The following SPATA17 variants were observed in gnomAD, a reference collection of about 807,000 sequenced individuals.
SPATA17 encodes spermatogenesis-associated protein 17.
SPATA17 carries 53 observed loss-of-function variants against 62.2 expected under a neutral mutation model. The observed-to-expected ratio is 0.85, with a 90% CI of 0.68 to 1.07. The LOEUF is 1.07. SPATA17 is among the 50% of genes least tolerant of loss of function. SPATA17 has a pLI of 0.00. For missense variants in SPATA17, 466 were observed against 425.5 expected (o/e 1.10, Z -0.84); for synonymous variants, 146 against 146.8 (o/e 0.99, Z 0.04).
At chr1:217,667,959 C>G (rs1173766411) in intron 3 of SPATA17, among the ~76,000 whole-genome samples, 1 of 152,226 alleles carries the variant, frequency 6.6e-6, no homozygotes, top group African/African-American at 2.4e-5. Context: ...CTGCTGCTCT[C>G]CACAGACAAT....
intron 5 of SPATA17, among the ~76,000 whole-genome samples, chr1:217,701,301 ATG>A (rs761293392): frequency 2.5e-4 from 38 of 149,458 alleles, no homozygotes; most frequent in South Asian, 1.1e-3. Context: ...GTGTGTGTAT[ATG>A]TGTGTGTGTG....
intron 8 of SPATA17, among the ~76,000 whole-genome samples, chr1:217,797,840 C>T (rs12747351): frequency 0.3 from 44,847 of 151,970 alleles, 8,080 homozygotes; most frequent in Non-Finnish European, 0.39. Context: ...TTCTTCATCC[C>T]AATTTAAATA....
intron 4 of SPATA17, among the ~76,000 whole-genome samples, chr1:217,671,293 C>T (rs1670826694): frequency 1.3e-5 from 2 of 152,192 alleles, no homozygotes; most frequent in Admixed American, 1.3e-4. Context: ...ACATCCTCTC[C>T]TAATAATAGA....
intron 9 of SPATA17, among the ~76,000 whole-genome samples, chr1:217,844,616 C>T (rs745448586): frequency 3.3e-5 from 5 of 152,122 alleles, no homozygotes; most frequent in East Asian, 1.9e-4. Context: ...ATAGAAGAAA[C>T]GGGGAACTTA....
In SPATA17 at chr1:217,782,161, C is replaced by T; in HGVS notation, c.724-13C>T. On this transcript the variant is annotated splice_polypyrimidine_tract_variant and intron_variant, in intron 7 of 10. Coordinates refer to ENST00000366933, the MANE Select transcript of SPATA17 (RefSeq NM_138796.4). ...CTTCCATATAAAATATGTTCCTCAT[C>T]CTGTCTTGTCAGGGGCCCTTCCGAG... The T allele has an allele frequency of 6.4e-7, 1 of 1,573,942 alleles. No homozygotes were observed. The highest frequency in any genetic ancestry group is 2.3e-5 in the East Asian group (1 of 44,058).
At chr1:217,818,277 G>A (rs912233868) in intron 9 of SPATA17, among the ~76,000 whole-genome samples, 9 of 151,794 alleles carry the variant, frequency 5.9e-5, no homozygotes, top group Admixed American at 4.0e-4. Context: ...CACAATTTAC[G>A]GGAATGCTCT....
chr1:217,762,094 C>T (rs1018350589), intron 6 of SPATA17, among the ~76,000 whole-genome samples: 1 of 152,096 alleles, frequency 6.6e-6, no homozygotes, highest in African/African-American at 2.4e-5. Context: ...CTTTTGAGTG[C>T]CCTTCATGGG....
At chr1:217,649,836 T>A (rs1392712604) in intron 2 of SPATA17, among the ~76,000 whole-genome samples, 1 of 150,870 alleles carries the variant, frequency 6.6e-6, no homozygotes, top group Non-Finnish European at 1.5e-5. Context: ...TACTCCATAA[T>A]AACTCATCAG....
chr1:217,841,516 G>A (rs1000392026), intron 9 of SPATA17, among the ~76,000 whole-genome samples: 7 of 151,862 alleles, frequency 4.6e-5, no homozygotes, highest in South Asian at 2.1e-4. Flanking sequence ...ACATTCACCC[G>A]TTTCCTGAGG....
At chr1:217,712,659 CATGAA>C (rs374413246) in intron 5 of SPATA17, among the ~76,000 whole-genome samples, 77 of 152,168 alleles carry the variant, frequency 5.1e-4, no homozygotes, top group African/African-American at 1.7e-3. Context: ...TTTTAACTTT[CATGAA>C]ATATTTCTAG....
intron 5 of SPATA17, among the ~76,000 whole-genome samples, chr1:217,718,858 CAAACA>C (rs371212993): frequency 6.6e-6 from 1 of 151,946 alleles, no homozygotes; most frequent in Non-Finnish European, 1.5e-5. Flanking sequence ...AACAAACAAA[CAAACA>C]AAACAAAACA....
chr1:217,788,687 G>A (rs1418544817), intron 8 of SPATA17, among the ~76,000 whole-genome samples: 1 of 152,094 alleles, frequency 6.6e-6, no homozygotes, highest in Non-Finnish European at 1.5e-5. Flanking sequence ...GCCTCTAGAA[G>A]TCACAAAAGG....
At chr1:217,844,480 T>G (rs1675480998) in intron 9 of SPATA17, among the ~76,000 whole-genome samples, 1 of 152,086 alleles carries the variant, frequency 6.6e-6, no homozygotes, top group Admixed American at 6.6e-5. Context: ...TTTAAAAAAA[T>G]GAGTGTCCTT....
chr1:217,703,097 A>G lies in SPATA17; in HGVS notation c.395+19736A>G, dbSNP rs139846542. 4.0e-3 allele frequency among the ~76,000 whole-genome samples: 612 copies of G among 151,452 alleles called. 6 individuals carry two copies. The highest frequency in any genetic ancestry group is 0.015 in the African/African-American group (599 of 41,206). ...CACCATGTTGGCCAGGATGGTCTCA[A>G]ACTCCTAAACTCAGTGATACACCCG... is the stretch of plus-strand genomic sequence containing the variant. On this transcript the variant is annotated intron_variant, in intron 5 of 10. Coordinates refer to ENST00000366933, the MANE Select transcript of SPATA17 (RefSeq NM_138796.4).
chr1:217,869,226 T>A lies in SPATA17; in HGVS notation c.*2207T>A, dbSNP rs1676081077. ...CAAGAGAATGGGGGGTGGGAGGATGTGGGAGATGCTTCCAGGTCATAGTTG... is the reference window on the plus strand; with the variant it reads ...CAAGAGAATGGGGGGTGGGAGGATGAGGGAGATGCTTCCAGGTCATAGTTG... On this transcript the variant is annotated 3_prime_UTR_variant, in exon 11 of 11. Transcript: ENST00000366933. 6.6e-6 allele frequency: 1 copy of A among 152,446 alleles called. No individual in the cohort carries two copies. The highest frequency in any genetic ancestry group is 2.1e-4 in the South Asian group (1 of 4,830). 9.4% of individuals were successfully genotyped at this position (152,446 alleles called of 1,614,324 possible).
chr1:217,699,316 C>T lies in SPATA17; in HGVS notation c.395+15955C>T, dbSNP rs1488447897. Among the ~76,000 whole-genome samples, 3 of 152,210 alleles carry T rather than the reference C, an allele frequency of 2.0e-5. No individual in the cohort carries two copies. In the East Asian group the frequency reaches 5.8e-4, roughly 29 times the overall value. ...CTGAGCAGCTGTACCATTTTACATT[C>T]CCACCAGGAATGTATGAGTGTTCCA... On this transcript the variant is annotated intron_variant, in intron 5 of 10. Coordinates refer to ENST00000366933, the MANE Select transcript of SPATA17 (RefSeq NM_138796.4).
intron 6 of SPATA17, among the ~76,000 whole-genome samples, chr1:217,770,978 ATTTTTTTTTTTTTTTTT>A (rs374042087): frequency 4.0e-5 from 2 of 50,164 alleles, no homozygotes; most frequent in South Asian, 1.0e-3. Flanking sequence ...AACTCATTGC[ATTTTTTTTTTTTTTTTT>A]TTTTTTTTTT....
At chr1:217,661,622 T>C (rs539464787) in intron 3 of SPATA17, among the ~76,000 whole-genome samples, 1 of 152,262 alleles carries the variant, frequency 6.6e-6, no homozygotes, top group South Asian at 2.1e-4. Flanking sequence ...TCAACTTCCA[T>C]TTTAGGCCTT....
intron 9 of SPATA17, among the ~76,000 whole-genome samples, chr1:217,813,617 A>T (rs1001299877): frequency 2.0e-5 from 3 of 152,104 alleles, no homozygotes; most frequent in Admixed American, 2.0e-4. Flanking sequence ...GCTTATGAGG[A>T]TGGCCTTCAA....
Sources: allele counts gnomAD v4.1 joint callset (sites outside exome capture counted in the v4.1 genomes callset), GRCh38; gene constraint gnomAD v4.1.1; transcripts MANE v1.5; gene names NCBI Gene and HGNC (gene_info 2026-07-23, HGNC 2026-07-21).